AGPS: variants seen among roughly 807,000 people sequenced by gnomAD.
The protein encoded by AGPS is alkyldihydroxyacetonephosphate synthase, peroxisomal.
A neutral mutation model predicts 90.7 loss-of-function variants in AGPS; 26 were observed. That is an observed-to-expected ratio of 0.29 (90% CI 0.21 to 0.40). The LOEUF is 0.40. AGPS is among the 10% of genes least tolerant of loss of function. The pLI is 1.00. For missense variants in AGPS, 540 were observed against 816.1 expected, an observed-to-expected ratio of 0.66 and a Z score of 4.12; for synonymous variants, 294 against 285.3, an observed-to-expected ratio of 1.03 and a Z score of -0.31.
intron 13 of AGPS, 136 bp downstream of exon 13, chr2:177,497,901 G>A (rs2105710127): frequency 5.1e-6 from 2 of 388,866 alleles, no homozygotes; most frequent in African/African-American, 4.2e-5. Context: ...TTTCATGTTG[G>A]AATAAATATT....
chr2:177,542,761 C>T lies in AGPS; in HGVS notation c.*4566C>T, dbSNP rs1237078579. The T allele has an allele frequency of 6.6e-6, 1 of 152,108 alleles. No homozygotes were observed. Among genetic ancestry groups the T allele is most frequent in the Non-Finnish European group, 1.5e-5 (1 of 68,004 alleles). 9.4% of individuals were successfully genotyped at this position (152,108 alleles called of 1,614,324 possible). ...ATATCAGAAAAGGACATGAAATGCT[C>T]ATACTGGCATACAAGTTTCTATAAG... On this transcript the variant is annotated 3_prime_UTR_variant, in exon 20 of 20. Transcript: ENST00000264167.
chr2:177,531,575 A>G (rs1199948479), intron 19 of AGPS, among the ~76,000 whole-genome samples: 2 of 152,164 alleles, frequency 1.3e-5, no homozygotes, highest in Non-Finnish European at 2.9e-5. Flanking sequence ...GTTCTTTCCA[A>G]ATTGATCTAT....
chr2:177,543,091 A>G lies in AGPS; in HGVS notation c.*4896A>G, dbSNP rs1446181516. 1.3e-5 allele frequency: 2 copies of G among 152,194 alleles called. No individual in the cohort carries two copies. The highest frequency in any genetic ancestry group is 2.4e-5 in the African/African-American group (1 of 41,446). 9.4% of individuals were successfully genotyped at this position (152,194 alleles called of 1,614,324 possible). A position where few individuals can be genotyped will look rare whatever the true frequency, so the allele number is the denominator to read the frequency against. Reference sequence around the variant, plus strand: ...CATCGAATCAGTCAATGGGATTTGTATGTGCTTTTCCTTCCTACATTTTCA... The same window carrying G: ...CATCGAATCAGTCAATGGGATTTGTGTGTGCTTTTCCTTCCTACATTTTCA... On this transcript the variant is annotated 3_prime_UTR_variant, in exon 20 of 20. Coordinates refer to ENST00000264167, the MANE Select transcript of AGPS (RefSeq NM_003659.4).
chr2:177,415,570 G>A (rs1185982419), intron 1 of AGPS, among the ~76,000 whole-genome samples: 1 of 152,178 alleles, frequency 6.6e-6, no homozygotes, highest in Non-Finnish European at 1.5e-5. Flanking sequence ...TTACAATGGG[G>A]ATATTGAGGG....
chr2:177,502,199 T>C (rs1266687340), intron 14 of AGPS, among the ~76,000 whole-genome samples: 1 of 152,118 alleles, frequency 6.6e-6, no homozygotes, highest in Non-Finnish European at 1.5e-5. Context: ...TAAATGAGAC[T>C]CAATTTAAAG....
At chr2:177,480,220 T>C (rs534029791) in intron 10 of AGPS, among the ~76,000 whole-genome samples, 1 of 152,256 alleles carries the variant, frequency 6.6e-6, no homozygotes, top group South Asian at 2.1e-4. Flanking sequence ...AGCAATCCCA[T>C]TACTGGGTAT....
At chr2:177,435,294 A>G (rs1686371520) in intron 3 of AGPS, among the ~76,000 whole-genome samples, 1 of 151,524 alleles carries the variant, frequency 6.6e-6, no homozygotes, top group African/African-American at 2.4e-5. Context: ...CAGTTATTTT[A>G]CTCTAGTTAT....
chr2:177,542,362 A>T lies in AGPS; in HGVS notation c.*4167A>T, dbSNP rs2079244938. On this transcript the variant is annotated 3_prime_UTR_variant, in exon 20 of 20. Coordinates refer to ENST00000264167, the MANE Select transcript of AGPS (RefSeq NM_003659.4). Reference sequence around the variant, plus strand: ...AGCACTCCCTTTTGAACCTTGGAAGATCCTCAAAGAGTGAGCACTCTTGTG... The same window carrying T: ...AGCACTCCCTTTTGAACCTTGGAAGTTCCTCAAAGAGTGAGCACTCTTGTG... The T allele has an allele frequency of 1.3e-5, 2 of 152,286 alleles. No individual in the cohort carries two copies. The highest frequency in any genetic ancestry group is 3.4e-3 in the Middle Eastern group (1 of 294). 9.4% of individuals were successfully genotyped at this position (152,286 alleles called of 1,614,324 possible).
chr2:177,502,054 ATCT>A (rs1294642667), intron 14 of AGPS, among the ~76,000 whole-genome samples: 3 of 152,196 alleles, frequency 2.0e-5, no homozygotes, highest in Admixed American at 6.5e-5. Context: ...CTATAAGTGA[ATCT>A]TCTTTAAAAT....
At chr2:177,522,011 T>C (rs904722950) in intron 18 of AGPS, among the ~76,000 whole-genome samples, 3 of 152,224 alleles carry the variant, frequency 2.0e-5, no homozygotes, top group African/African-American at 7.2e-5. Flanking sequence ...CTAAAGCTAA[T>C]TTCAGTAGCA....
intron 2 of AGPS, among the ~76,000 whole-genome samples, chr2:177,429,673 G>A (rs1686182527): frequency 6.6e-6 from 1 of 152,206 alleles, no homozygotes; most frequent in Non-Finnish European, 1.5e-5. Flanking sequence ...AGCAAAGATG[G>A]CAGCCTGCTT....
chr2:177,441,627 A>G (rs1028803231), intron 6 of AGPS, among the ~76,000 whole-genome samples: 3 of 152,174 alleles, frequency 2.0e-5, no homozygotes, highest in Non-Finnish European at 4.4e-5. Context: ...GCTGAACCTT[A>G]CAGATTAACA....
At chr2:177,472,671 T>G (rs865866234) in intron 10 of AGPS, among the ~76,000 whole-genome samples, 26 of 152,156 alleles carry the variant, frequency 1.7e-4, no homozygotes, top group Admixed American at 5.9e-4. Flanking sequence ...TTTGAGAGTG[T>G]TCTTTCCTGA....
chr2:177,448,711 G>A (rs1196646268), intron 8 of AGPS, among the ~76,000 whole-genome samples: 2 of 152,186 alleles, frequency 1.3e-5, no homozygotes, highest in Middle Eastern at 3.4e-3. Context: ...ACAATTTAAT[G>A]TGTACAATTT....
At chr2:177,444,190 G>T (rs990668600) in intron 7 of AGPS, among the ~76,000 whole-genome samples, 5 of 152,154 alleles carry the variant, frequency 3.3e-5, no homozygotes, top group Admixed American at 6.5e-5. Flanking sequence ...GGAGGCTGAG[G>T]TGGGCAGATC....
chr2:177,508,311 A>T (rs773256891), intron 16 of AGPS, among the ~76,000 whole-genome samples: 1 of 152,202 alleles, frequency 6.6e-6, no homozygotes, highest in Non-Finnish European at 1.5e-5. Context: ...CAGTGTTACT[A>T]TGTGGTTATA....
intron 19 of AGPS, among the ~76,000 whole-genome samples, chr2:177,532,959 G>A (rs2079151371): frequency 6.6e-6 from 1 of 152,118 alleles, no homozygotes; most frequent in Admixed American, 6.5e-5. Flanking sequence ...AAAGATTAGT[G>A]ATTTCCAAAA....
intron 11 of AGPS, among the ~76,000 whole-genome samples, chr2:177,487,623 C>T (rs115737772): frequency 1.3e-5 from 2 of 152,024 alleles, no homozygotes. Flanking sequence ...CTTAAAACTT[C>T]TTTTTATTCA....
At chr2:177,495,182 T>C (rs1410885681) in intron 12 of AGPS, among the ~76,000 whole-genome samples, 1 of 152,222 alleles carries the variant, frequency 6.6e-6, no homozygotes, top group African/African-American at 2.4e-5. Flanking sequence ...ATTTAGGGTA[T>C]GTTTCTTAGT....
Sources: allele counts gnomAD v4.1 joint callset (sites outside exome capture counted in the v4.1 genomes callset), GRCh38; gene constraint gnomAD v4.1.1; transcripts MANE v1.5; gene names NCBI Gene and HGNC (gene_info 2026-07-23, HGNC 2026-07-21).